Variants in DAAM2 observed in about 807,000 individuals in gnomAD.
DAAM2 encodes disheveled-associated activator of morphogenesis 2.
DAAM2 carries 39 observed loss-of-function variants against 120.7 expected under a neutral mutation model. That is an observed-to-expected ratio of 0.32 (90% confidence interval 0.25 to 0.42). The LOEUF is 0.42. Ranked by LOEUF, DAAM2 falls within the 10% of genes least tolerant of loss-of-function variation. The pLI is 1.00. For synonymous variants in DAAM2, 488 were observed against 524.9 expected (o/e 0.93, Z 0.96); for missense variants, 1,283 against 1,401.7 (o/e 0.92, Z 1.35).
chr6:39,879,826 A>G (rs1443558207), intron 14 of DAAM2: 2 of 409,128 alleles, frequency 4.9e-6, no homozygotes, highest in Non-Finnish European at 4.6e-6. Flanking sequence ...ATAAGCAAAG[A>G]GCTTGGGCCA....
At chr6:39,845,728 G>A (rs1763562973) in intron 1 of DAAM2, among the ~76,000 whole-genome samples, 1 of 151,750 alleles carries the variant, frequency 6.6e-6, no homozygotes, top group Non-Finnish European at 1.5e-5. Flanking sequence ...GGGTCCTCCT[G>A]GACCCCACTC....
intron 11 of DAAM2, among the ~76,000 whole-genome samples, chr6:39,877,341 G>T (rs989294133): frequency 6.6e-6 from 1 of 152,158 alleles, no homozygotes; most frequent in Non-Finnish European, 1.5e-5. Flanking sequence ...TCCAAGTAGG[G>T]CCCCAGTCTA....
rs1406143880 is a variant in DAAM2, at chr6:39,904,455, A to G, written c.*2418A>G. 2 of 454,508 alleles carry G rather than the reference A, an allele frequency of 4.4e-6. No homozygotes were observed. Among genetic ancestry groups the G allele is most frequent in the African/African-American group, 2.0e-5 (1 of 49,986 alleles). The allele number at this position is 454,508 out of a possible 1,614,324, so 28.2% of individuals were successfully genotyped here. A position where few individuals can be genotyped will look rare whatever the true frequency, so the allele number is the denominator to read the frequency against. On this transcript the variant is annotated 3_prime_UTR_variant, in exon 25 of 25. Transcript: ENST00000274867. ...GTTGTTTCTTGGTCTTGCTTTCTTC[A>G]TGCCCTCCCCACTGCTCCTGCCACC...
rs1233433631 is a variant in DAAM2, at chr6:39,902,398, A to G, written c.*361A>G. On this transcript the variant is annotated 3_prime_UTR_variant, in exon 25 of 25. Transcript: ENST00000274867. ...CCAGATCTAGACTGGAGAGGTCCAC[A>G]GCCTTGTCCAGAGTTCCTGTGTAGC... The G allele has an allele frequency of 2.2e-5, 4 of 179,330 alleles. No homozygotes were observed. Among genetic ancestry groups the G allele is most frequent in the Non-Finnish European group, 3.5e-5 (3 of 86,592 alleles). 11.1% of individuals were successfully genotyped at this position (179,330 alleles called of 1,614,324 possible). A position where few individuals can be genotyped will look rare whatever the true frequency, so the allele number is the denominator to read the frequency against.
At chr6:39,811,612 T>C (rs1762164096) in intron 1 of DAAM2, among the ~76,000 whole-genome samples, 1 of 152,198 alleles carries the variant, frequency 6.6e-6, no homozygotes, top group Non-Finnish European at 1.5e-5. Context: ...CCTCTGCATA[T>C]ATAAGCTCCT....
intron 1 of DAAM2, among the ~76,000 whole-genome samples, chr6:39,838,249 T>G (rs978795642): frequency 6.6e-6 from 1 of 152,126 alleles, no homozygotes; most frequent in African/African-American, 2.4e-5. Context: ...ATTTTTCTTG[T>G]GAGTTGAAGG....
At chr6:39,860,138 A>G (rs1035545486) in intron 2 of DAAM2, among the ~76,000 whole-genome samples, 5 of 152,206 alleles carry the variant, frequency 3.3e-5, no homozygotes, top group Non-Finnish European at 7.3e-5. Context: ...GCCGTCTAGC[A>G]CAGCAAAACC....
intron 1 of DAAM2, among the ~76,000 whole-genome samples, chr6:39,843,193 G>A (rs1350339919): frequency 2.0e-5 from 3 of 152,132 alleles, no homozygotes; most frequent in Non-Finnish European, 2.9e-5. Flanking sequence ...GCACTGCGGG[G>A]GGAGTTGGAG....
intron 1 of DAAM2, among the ~76,000 whole-genome samples, chr6:39,840,938 AG>A (rs1185106574): frequency 1.5e-5 from 2 of 133,458 alleles, no homozygotes. Flanking sequence ...ACAGGAAGTG[AG>A]GCTTGCTAGG....
intron 1 of DAAM2, among the ~76,000 whole-genome samples, chr6:39,829,069 G>T (rs1318898091): frequency 6.6e-5 from 10 of 152,236 alleles, no homozygotes; most frequent in Admixed American, 6.5e-4. Context: ...GCTCTCTACA[G>T]TTTTTCTTTA....
intron 1 of DAAM2, among the ~76,000 whole-genome samples, chr6:39,835,073 A>G (rs1242199410): frequency 2.0e-5 from 3 of 151,188 alleles, no homozygotes; most frequent in Non-Finnish European, 4.4e-5. Context: ...TATGTGCATG[A>G]CTCTCCCACT....
intron 14 of DAAM2, among the ~76,000 whole-genome samples, chr6:39,883,167 C>G (rs1187812030): frequency 1.4e-5 from 2 of 140,634 alleles, no homozygotes; most frequent in African/African-American, 5.4e-5. Flanking sequence ...CAGCAGGGTG[C>G]TACGAGACTG....
chr6:39,839,072 G>A lies in DAAM2; in HGVS notation c.-56-17175G>A, dbSNP rs1763221341. 2.0e-5 allele frequency among the ~76,000 whole-genome samples: 3 copies of A among 152,062 alleles called. No individual in the cohort carries two copies. In the South Asian group the frequency reaches 6.2e-4, roughly 32 times the overall value. On this transcript the variant is annotated intron_variant, in intron 1 of 24. Transcript: ENST00000274867. ...GAGATTGTTTTAATTGGTTCAGGTTGGGTCTAGGCTAGGCATTGTTTTTTT... is the reference window on the plus strand; with the variant it reads ...GAGATTGTTTTAATTGGTTCAGGTTAGGTCTAGGCTAGGCATTGTTTTTTT...
rs1766636038 is a variant in DAAM2, at chr6:39,903,984, G to C, written c.*1947G>C. ...CCCAAGAGCTCCCACTGCAAGACAA[G>C]TGTTGGGGAAGATGGGAGGTTGTGG... On this transcript the variant is annotated 3_prime_UTR_variant, in exon 25 of 25. Coordinates refer to ENST00000274867, the MANE Select transcript of DAAM2 (RefSeq NM_001201427.2). 1 of 355,094 alleles carries C rather than the reference G, an allele frequency of 2.8e-6. No homozygotes were observed. Among genetic ancestry groups the C allele is most frequent in the Non-Finnish European group, 5.5e-6 (1 of 181,824 alleles). The allele number at this position is 355,094 out of a possible 1,614,324, so 22.0% of individuals were successfully genotyped here. A position where few individuals can be genotyped will look rare whatever the true frequency, so the allele number is the denominator to read the frequency against.
At chr6:39,893,589 C>T (rs1315634188) in intron 19 of DAAM2, among the ~76,000 whole-genome samples, 5 of 152,144 alleles carry the variant, frequency 3.3e-5, no homozygotes, top group South Asian at 2.1e-4. Context: ...CAAGCTAAGC[C>T]GAGTAAGATG....
rs1170763129 is a variant in DAAM2 at position 39,867,762 on chromosome 6, C to A, written c.681C>A (p.Cys227Ter). The A allele has an allele frequency of 6.2e-7, 1 of 1,613,718 alleles. No individual in the cohort carries two copies. Among genetic ancestry groups the A allele is most frequent in the Admixed American group, 1.7e-5 (1 of 59,984 alleles). ...TGCTGGAGATCCTGGGTGCTGTGTG[C>A]CTCGTGCCTGGTGGCCACAAGAAGG... The part of the protein sequence containing the change: ...VAVLEILGAV[C>*]LVPGGHKKVL... Residue 227 changes from cysteine (C) to a stop codon, truncating the protein, a stop_gained, in exon 6 of 25, where the codon TGC becomes TGA. Transcript: ENST00000274867. LOFTEE classifies it high-confidence loss of function.
chr6:39,799,410 T>C (rs1761795448), intron 1 of DAAM2, among the ~76,000 whole-genome samples: 1 of 152,246 alleles, frequency 6.6e-6, no homozygotes, highest in Non-Finnish European at 1.5e-5. Context: ...AAACAAATAA[T>C]GCACAGTTTT....
intron 1 of DAAM2, among the ~76,000 whole-genome samples, chr6:39,813,715 CA>C: frequency 6.6e-6 from 1 of 152,288 alleles, no homozygotes; most frequent in Non-Finnish European, 1.5e-5. Flanking sequence ...CCCCCTTTCC[CA>C]CAGCTTCCCA....
In DAAM2 at chr6:39,867,624, C is replaced by G. The variant is rs1764485205; in HGVS notation, c.543C>G (p.Ile181Met). 1 of 1,614,030 alleles carries G rather than the reference C, an allele frequency of 6.2e-7. No homozygotes were observed. The highest frequency in any genetic ancestry group is 1.3e-5 in the African/African-American group (1 of 75,056). The change falls in exon 6 of 25, where the codon ATC (isoleucine) becomes ATG (methionine). Residue 181 changes from isoleucine (I) to methionine (M), a missense_variant. Physicochemically the swap from Ile to Met is conservative, Grantham distance 10 (BLOSUM62 1). Around this residue, in one of 3 missense-constraint regions of DAAM2, gnomAD observed 338 missense variants for 443.9 expected, o/e 0.76. Coordinates refer to ENST00000274867, the MANE Select transcript of DAAM2 (RefSeq NM_001201427.2). ...TCCACACCTCACTCATTGGCTGCAT[C>G]AAAGCATTGATGAACAACTCCCAGG... ...SRIHTSLIGC[I>M]KALMNNSQGR...
Sources: allele counts gnomAD v4.1 joint callset (sites outside exome capture counted in the v4.1 genomes callset), GRCh38; gene constraint gnomAD v4.1.1; regional missense constraint gnomAD v4.1.1; transcripts MANE v1.5; gene names NCBI Gene and HGNC (gene_info 2026-07-23, HGNC 2026-07-21).